The following KIF1A variants were observed in gnomAD, a reference collection of about 807,000 sequenced individuals.
KIF1A encodes kinesin family member 1A.
Under a neutral mutation model 227.3 loss-of-function variants are expected in KIF1A, and 46 were observed. The observed-to-expected ratio is 0.20, with a 90% CI of 0.16 to 0.26. The LOEUF (loss-of-function observed/expected upper bound fraction) is 0.26, where lower values mean the gene tolerates loss of function less well. KIF1A is among the 10% of genes least tolerant of loss of function. The pLI, the probability that KIF1A is intolerant of heterozygous loss-of-function variation, is 1.00. For synonymous variants in KIF1A, 1,022 were observed against 1,012.8 expected (o/e 1.01, Z -0.17); for missense variants, 1,683 against 2,485.9 (o/e 0.68, Z 6.87).
At chr2:240,777,691 C>T (rs897332524) in intron 10 of KIF1A, among the ~76,000 whole-genome samples, 2 of 152,182 alleles carry the variant, frequency 1.3e-5, no homozygotes, top group East Asian at 1.9e-4. Flanking sequence ...CTGTGAGCCC[C>T]GCTGAACACC....
At chr2:240,737,952 G>T (rs1036323391) in intron 37 of KIF1A, among the ~76,000 whole-genome samples, 5 of 152,244 alleles carry the variant, frequency 3.3e-5, no homozygotes, top group Middle Eastern at 3.2e-3. Context: ...CACTGGGCCT[G>T]CCCCATCCCA....
chr2:240,717,938 C>T (rs1259387609), intron 48 of KIF1A, 112 bp downstream of exon 48: 2 of 744,116 alleles, frequency 2.7e-6, no homozygotes, highest in African/African-American at 1.7e-5. Flanking sequence ...AGGGCAGGAC[C>T]CCTGGGAGAG....
rs1422302482 is a variant in KIF1A at position 240,766,753 on chromosome 2, A to T, written c.1684+162T>A. Among the ~76,000 whole-genome samples, 53 of 133,848 alleles carry T rather than the reference A, an allele frequency of 4.0e-4. No homozygotes were observed. The East Asian group carries it at 5.3e-3, about 13-fold the overall frequency. The allele number at this position is 133,848 out of a possible 152,430, so 87.8% of individuals were successfully genotyped here. A position where few individuals can be genotyped will look rare whatever the true frequency, so the allele number is the denominator to read the frequency against. On this transcript the variant is annotated intron_variant, in intron 19 of 48. Coordinates refer to ENST00000498729, the MANE Select transcript of KIF1A (RefSeq NM_001244008.2). The surrounding 1 kb of genome is among the most constrained non-coding windows in gnomAD (Gnocchi z 5.0). Reference sequence around the variant, plus strand: ...CTCTCTCTCTCTCTCTCTCTCTCACACACACACACACACACACACACACAC... The same window carrying T: ...CTCTCTCTCTCTCTCTCTCTCTCACTCACACACACACACACACACACACAC...
At chr2:240,763,411 C>T (rs1368102865) in intron 20 of KIF1A, 65 bp from the exon 21 acceptor site, 19 of 1,459,352 alleles carry the variant, frequency 1.3e-5, no homozygotes, top group Middle Eastern at 1.8e-4. Context: ...TGGTCTCAAG[C>T]GGGGAGGCGT....
chr2:240,761,357 A>G lies in KIF1A; in HGVS notation c.2137T>C (p.Cys713Arg). The change falls in exon 24 of 49, where the codon TGT becomes CGT. Residue 713 changes from cysteine (C) to arginine (R), a missense_variant. By Grantham distance (180) the Cys-to-Arg change is radical. Transcript: ENST00000498729. ...CGGAAGGCCCAGAGCGCCAGCTCAC[A>G]CTCCCGCTCTGTCCACTGGACTGTG... ...EDEVQWTERECELALWAFRKW... is the reference protein window; with the variant it reads ...EDEVQWTERERELALWAFRKW... The G allele has an allele frequency of 1.9e-6, 3 of 1,610,720 alleles. No homozygotes were observed. The highest frequency in any genetic ancestry group is 2.5e-6 in the Non-Finnish European group (3 of 1,178,112).
intron 38 of KIF1A, among the ~76,000 whole-genome samples, chr2:240,729,379 C>G (rs1416263837): frequency 6.6e-6 from 1 of 152,210 alleles, no homozygotes; most frequent in East Asian, 1.9e-4. Flanking sequence ...ACCAGCAGGT[C>G]TTTCCCAGCA....
chr2:240,777,711 C>T (rs920763781), intron 10 of KIF1A, among the ~76,000 whole-genome samples: 1 of 152,252 alleles, frequency 6.6e-6, no homozygotes, highest in African/African-American at 2.4e-5. Context: ...CCGCCCGCTG[C>T]TGCCACTAAA....
In KIF1A at chr2:240,780,495, C is replaced by T. The variant is rs141280610; in HGVS notation, c.882+2095G>A. 7.9e-5 allele frequency among the ~76,000 whole-genome samples: 12 copies of T among 152,218 alleles called. No individual in the cohort carries two copies. The East Asian group carries it at 1.9e-3, about 24-fold the overall frequency. On this transcript the variant is annotated intron_variant, in intron 10 of 48. Coordinates refer to ENST00000498729, the MANE Select transcript of KIF1A (RefSeq NM_001244008.2). ...TCCTCCCACAGTTCCCCACGCAATT[C>T]CTCACACGGTTTCTCACATACTTTC...
In KIF1A at chr2:240,736,217, C is replaced by T. The variant is rs868544291; in HGVS notation, c.4007+846G>A. On this transcript the variant is annotated intron_variant, in intron 38 of 48. Coordinates refer to ENST00000498729, the MANE Select transcript of KIF1A (RefSeq NM_001244008.2). The surrounding 1 kb of genome is among the most constrained non-coding windows in gnomAD (Gnocchi z 4.7). ...GCAGGGAGGCCCTCAAAGACGTTTT[C>T]CTACAAACACAGCCATGGAGACACC... is the stretch of plus-strand genomic sequence containing the variant. Among the ~76,000 whole-genome samples the T allele has an allele frequency of 7.2e-5, 11 of 152,296 alleles. No individual in the cohort carries two copies. Among genetic ancestry groups the T allele is most frequent in the Middle Eastern group, 3.4e-3 (1 of 294 alleles).
intron 1 of KIF1A, among the ~76,000 whole-genome samples, chr2:240,804,098 TCTACTAAAAATACAAAAATTAGCTGG>T (rs2057196014): frequency 6.6e-6 from 1 of 152,080 alleles, no homozygotes; most frequent in African/African-American, 2.4e-5. Flanking sequence ...AAACCCCATC[TCTACTAAAAATACAAAAATTAGCTGG>T]GTGTGGTGGT....
At chr2:240,794,472 C>T (rs1363645735) in intron 2 of KIF1A, among the ~76,000 whole-genome samples, 3 of 152,204 alleles carry the variant, frequency 2.0e-5, no homozygotes, top group African/African-American at 7.2e-5. Flanking sequence ...CCGTGCTGAC[C>T]TTTGCCCCCT....
intron 38 of KIF1A, chr2:240,734,601 G>A (rs1257904938): frequency 1.8e-6 from 1 of 562,556 alleles, no homozygotes; most frequent in African/African-American, 1.9e-5. Flanking sequence ...CGTGTGTGAG[G>A]AGTCCAGGAA....
chr2:240,761,280 G>A lies in KIF1A; in HGVS notation c.2214C>T (p.Asn738=), dbSNP rs551496176. ...CATTGGCCTCCTTGAGGAAGATGGCGTTGCCCCACAGCAGGTCCCGCAGAG... is the reference window on the plus strand; with the variant it reads ...CATTGGCCTCCTTGAGGAAGATGGCATTGCCCCACAGCAGGTCCCGCAGAG... ...FTSLRDLLWG[N]AIFLKEANAI... Residue 738 remains asparagine, a synonymous_variant, in exon 24 of 49, where the codon AAC becomes AAT. Coordinates refer to ENST00000498729, the MANE Select transcript of KIF1A (RefSeq NM_001244008.2). The A allele has an allele frequency of 1.1e-5, 18 of 1,613,896 alleles. No homozygotes were observed. The highest frequency in any genetic ancestry group is 1.7e-4 in the Middle Eastern group (1 of 6,020).
intron 38 of KIF1A, among the ~76,000 whole-genome samples, chr2:240,728,099 C>A (rs760184093): frequency 1.3e-5 from 2 of 152,218 alleles, no homozygotes; most frequent in Admixed American, 1.3e-4. Flanking sequence ...GGCGGCCGGG[C>A]CCCTCCCGAG....
chr2:240,786,542 C>A lies in KIF1A; in HGVS notation c.430-29G>T, dbSNP rs770870354. On this transcript the variant is annotated intron_variant, in intron 5 of 48. Coordinates refer to ENST00000498729, the MANE Select transcript of KIF1A (RefSeq NM_001244008.2). ...CAGGGCAGAGCCAGGCCATCAGGGG[C>A]CCCTGAGGCGAGGGAGTGGGGCTGC... 5.0e-6 allele frequency: 8 copies of A among 1,604,150 alleles called. No individual in the cohort carries two copies. The East Asian group carries it at 1.8e-4, about 36-fold the overall frequency.
intron 38 of KIF1A, among the ~76,000 whole-genome samples, chr2:240,727,645 G>T (rs924200535): frequency 6.6e-6 from 1 of 152,192 alleles, no homozygotes; most frequent in Non-Finnish European, 1.5e-5. Context: ...GCCTCGCTGT[G>T]TTCCTAATCT....
chr2:240,793,015 C>A lies in KIF1A; in HGVS notation c.107-3703G>T, dbSNP rs2055915553. ...AGCGCACCTGGACCTCCGAGTCTGG[C>A]CTCCAGAACAGGGGGGGGACATTTC... On this transcript the variant is annotated intron_variant, in intron 2 of 48. Transcript: ENST00000498729. The surrounding 1 kb of genome is among the most constrained non-coding windows in gnomAD (Gnocchi z 4.8). 6.6e-6 allele frequency among the ~76,000 whole-genome samples: 1 copy of A among 152,040 alleles called. No individual in the cohort carries two copies. The highest frequency in any genetic ancestry group is 1.5e-5 in the Non-Finnish European group (1 of 68,040).
chr2:240,816,557 G>A (rs1383419943), intron 1 of KIF1A, among the ~76,000 whole-genome samples: 1 of 152,176 alleles, frequency 6.6e-6, no homozygotes, highest in Non-Finnish European at 1.5e-5. Context: ...TGGCAGGGAT[G>A]GCAAGCAGGA....
chr2:240,723,963 G>A lies in KIF1A; in HGVS notation c.4318+12C>T. Reference sequence around the variant, plus strand: ...CAGGAACCCACCCAGTGAGAGCAGGGCAGATACCTACCTGGGCTGCCCGCG... The same window carrying A: ...CAGGAACCCACCCAGTGAGAGCAGGACAGATACCTACCTGGGCTGCCCGCG... On this transcript the variant is annotated intron_variant, in intron 41 of 48. Transcript: ENST00000498729. 1 of 1,610,004 alleles carries A rather than the reference G, an allele frequency of 6.2e-7. No individual in the cohort carries two copies. Among genetic ancestry groups the A allele is most frequent in the Non-Finnish European group, 8.5e-7 (1 of 1,177,428 alleles).
Sources: allele counts gnomAD v4.1 joint callset (sites outside exome capture counted in the v4.1 genomes callset), GRCh38; gene constraint gnomAD v4.1.1; non-coding constraint Gnocchi (gnomAD v3.1); transcripts MANE v1.5; gene names NCBI Gene and HGNC (gene_info 2026-07-23, HGNC 2026-07-21).